Variants in RASA3 observed in about 807,000 individuals in gnomAD.
The protein encoded by RASA3 is ras GTPase-activating protein 3.
Under a neutral mutation model 110.0 loss-of-function variants are expected in RASA3, and 73 were observed. That is an observed-to-expected ratio of 0.66 (90% CI 0.55 to 0.81). RASA3 has a LOEUF of 0.81. Ranked by LOEUF, RASA3 falls within the 30% of genes least tolerant of loss-of-function variation. The pLI, the probability that RASA3 is intolerant of heterozygous loss-of-function variation, is 0.00. For missense variants in RASA3, 976 were observed against 1,113.2 expected (o/e 0.88, Z 1.75); for synonymous variants, 500 against 451.4 (o/e 1.11, Z -1.37).
intron 2 of RASA3, among the ~76,000 whole-genome samples, chr13:114,063,427 CA>C (rs2079395573): frequency 6.7e-6 from 1 of 150,268 alleles, no homozygotes; most frequent in African/African-American, 2.4e-5. Flanking sequence ...TATTATAATA[CA>C]AATATATTAA....
chr13:114,132,318 C>A, intron 1 of RASA3, 117 bp downstream of exon 1: 1 of 1,109,478 alleles, frequency 9.0e-7, no homozygotes, highest in Non-Finnish European at 1.2e-6. Context: ...GAGCGCGCCG[C>A]GCCTGGAGGG....
chr13:114,000,192 T>C (rs993443414), intron 19 of RASA3, among the ~76,000 whole-genome samples: 3 of 150,628 alleles, frequency 2.0e-5, no homozygotes, highest in Admixed American at 6.6e-5. Flanking sequence ...TGGGGGTCTC[T>C]GCTGGGGTGC....
At chr13:114,078,173 C>G (rs903754838) in intron 1 of RASA3, among the ~76,000 whole-genome samples, 1 of 152,192 alleles carries the variant, frequency 6.6e-6, no homozygotes, top group Admixed American at 6.5e-5. Context: ...GCACCAGGAC[C>G]GAGCCTCTCC....
intron 2 of RASA3, 77 bp downstream of exon 2, chr13:114,073,643 G>T: frequency 8.5e-7 from 1 of 1,171,108 alleles, no homozygotes; most frequent in African/African-American, 1.5e-5. Context: ...AAAATGGGAA[G>T]GTGACGTACA....
intron 2 of RASA3, among the ~76,000 whole-genome samples, chr13:114,062,858 C>T (rs2079384753): frequency 6.6e-6 from 1 of 152,224 alleles, no homozygotes; most frequent in African/African-American, 2.4e-5. Flanking sequence ...ACCCTGGCCC[C>T]ACACCACAGC....
chr13:114,050,553 G>A (rs1454122977), intron 3 of RASA3, among the ~76,000 whole-genome samples: 1 of 152,236 alleles, frequency 6.6e-6, no homozygotes, highest in Non-Finnish European at 1.5e-5. Flanking sequence ...AGGGGGCACT[G>A]GCCTTATCAA....
rs182803805 is a variant in RASA3, at chr13:114,056,751, A to G, written c.174-4596T>C. The G allele has an allele frequency of 3.8e-3, 3,196 of 841,740 alleles. 10 individuals carry two copies. Among genetic ancestry groups the G allele is most frequent in the Non-Finnish European group, 4.4e-3 (3,071 of 698,570 alleles). The allele number at this position is 841,740 out of a possible 1,614,324, so 52.1% of individuals were successfully genotyped here. On this transcript the variant is annotated intron_variant, in intron 2 of 23. Transcript: ENST00000334062. The surrounding 1 kb of genome is among the most constrained non-coding windows in gnomAD (Gnocchi z 5.7). ...AAAAATAGCAGAAAGAGGAAGCTAC[A>G]AGAAAACATACGAACTCCATAAAAT...
At chr13:114,010,810 T>TGGGGAGGAGGGGGCTGCGAGGGGAGG (rs1225559439) in intron 16 of RASA3, among the ~76,000 whole-genome samples, 2 of 11,040 alleles carry the variant, frequency 1.8e-4, no homozygotes, top group African/African-American at 6.4e-4. Flanking sequence ...GCGAGGGGAG[T>TGGGGAGGAGGGGGCTGCGAGGGGAGG]AGGGGGCTGC....
chr13:114,018,748 G>T lies in RASA3; in HGVS notation c.942+15C>A. 6.2e-7 allele frequency: 1 copy of T among 1,612,422 alleles called. No homozygotes were observed. Among genetic ancestry groups the T allele is most frequent in the African/African-American group, 1.3e-5 (1 of 75,054 alleles). ...CCTCCTGCCCACACCCACAGGCCAC[G>T]GCGTGGACAAGCACCTCCACATCCG... On this transcript the variant is annotated intron_variant, in intron 10 of 23. Transcript: ENST00000334062.
chr13:114,082,690 A>G (rs995442506), intron 1 of RASA3, among the ~76,000 whole-genome samples: 2 of 152,164 alleles, frequency 1.3e-5, no homozygotes, highest in African/African-American at 4.8e-5. Context: ...AACCCAAGCA[A>G]CGTTTAGTTC....
chr13:114,080,512 G>T (rs2079766740), intron 1 of RASA3, among the ~76,000 whole-genome samples: 1 of 152,130 alleles, frequency 6.6e-6, no homozygotes, highest in South Asian at 2.1e-4. Context: ...AGGGGCGGGT[G>T]ACCAGGCCCA....
Position 114,019,027 on chromosome 13 carries a change from T to G in RASA3, c.786-108A>C, listed in dbSNP as rs1211102162. The G allele has an allele frequency of 3.6e-6, 5 of 1,400,738 alleles. No homozygotes were observed. The South Asian group carries it at 6.5e-5, about 18-fold the overall frequency. 86.8% of individuals were successfully genotyped at this position (1,400,738 alleles called of 1,614,324 possible). ...TGAGGTCGACTGGTCAGGAGGGTGA[T>G]CCTGTAGGACCCCTCAGAGTGCAGC... On this transcript the variant is annotated intron_variant, in intron 9 of 23. Coordinates refer to ENST00000334062, the MANE Select transcript of RASA3 (RefSeq NM_007368.4).
intron 1 of RASA3, chr13:114,077,878 T>TA (rs917698264): frequency 4.1e-3 from 3,137 of 772,324 alleles, no homozygotes; most frequent in Middle Eastern, 7.9e-3. Flanking sequence ...ATGCATTTAA[T>TA]AAAAAAAAAA....
At chr13:114,097,528 C>T (rs529253164) in intron 1 of RASA3, among the ~76,000 whole-genome samples, 1 of 152,378 alleles carries the variant, frequency 6.6e-6, no homozygotes, top group East Asian at 1.9e-4. Flanking sequence ...AGGCATGATG[C>T]AGCCTGAAAA....
chr13:114,104,921 CCA>C (rs1391545869), intron 1 of RASA3, among the ~76,000 whole-genome samples: 2 of 151,666 alleles, frequency 1.3e-5, no homozygotes, highest in Non-Finnish European at 2.9e-5. Flanking sequence ...CCTCCCCTCC[CCA>C]CACACGTTCA....
intron 7 of RASA3, 33 bp from the exon 8 acceptor site, chr13:114,024,388 C>G: frequency 6.2e-7 from 1 of 1,602,654 alleles, no homozygotes; most frequent in Non-Finnish European, 8.5e-7. Context: ...GCGCTGAGAC[C>G]GCGGTGCCAC....
chr13:114,011,186 C>G lies in RASA3; in HGVS notation c.1575G>C (p.Leu525=). The part of the protein sequence containing the change: ...ISKTVQTLGS[L]SKSKSASFKE... Reference sequence around the variant, plus strand: ...AGGGACTCACAGATTTGGACTTGGACAGGCTGCCGAGGGTCTGAACGGTCT... The same window carrying G: ...AGGGACTCACAGATTTGGACTTGGAGAGGCTGCCGAGGGTCTGAACGGTCT... The change falls in exon 16 of 24, where the codon CTG becomes CTC. Residue 525 remains leucine, a synonymous_variant. Coordinates refer to ENST00000334062, the MANE Select transcript of RASA3 (RefSeq NM_007368.4). This position sits in a 1 kb window ranked among gnomAD's most constrained non-coding sequence, Gnocchi z 4.8. 1 of 1,612,494 alleles carries G rather than the reference C, an allele frequency of 6.2e-7. No individual in the cohort carries two copies. Among genetic ancestry groups the G allele is most frequent in the Non-Finnish European group, 8.5e-7 (1 of 1,179,296 alleles).
In RASA3 at chr13:113,983,428, G is replaced by A. The variant is rs1417004353; in HGVS notation, c.2246-1570C>T. Among the ~76,000 whole-genome samples, 8 of 126,754 alleles carry A rather than the reference G, an allele frequency of 6.3e-5. 2 individuals carry two copies. Among genetic ancestry groups the A allele is most frequent in the African/African-American group, 1.1e-4 (4 of 37,892 alleles). The allele number at this position is 126,754 out of a possible 152,430, so 83.2% of individuals were successfully genotyped here. On this transcript the variant is annotated intron_variant, in intron 22 of 23. Transcript: ENST00000334062. ...TTTCTAAGCAAAATGCTGTGGGAGC[G>A]GCTTGGTTCCTCCTGACCGCTGACA...
At chr13:114,028,281 G>A (rs1199410860) in intron 5 of RASA3, among the ~76,000 whole-genome samples, 1 of 151,506 alleles carries the variant, frequency 6.6e-6, no homozygotes, top group Non-Finnish European at 1.5e-5. Context: ...TGGGAGCCAG[G>A]ACCCCTAAAA....
Sources: gnomAD v4.1 joint callset for allele counts (sites outside exome capture counted in the v4.1 genomes callset) on GRCh38, gnomAD v4.1.1 for gene constraint, Gnocchi (gnomAD v3.1) non-coding constraint, MANE v1.5 for transcripts, NCBI Gene and HGNC (gene_info 2026-07-23, HGNC 2026-07-21) for gene names.